Variants in UPF2 observed in about 807,000 individuals in gnomAD.
The protein encoded by UPF2 is UPF2 regulator of nonsense mediated mRNA decay, also known as regulator of nonsense transcripts 2.
Under a neutral mutation model 141.4 loss-of-function variants are expected in UPF2, and 17 were observed. That is an observed-to-expected ratio of 0.12 (90% confidence interval 0.08 to 0.18). The LOEUF is 0.18. Ranked by LOEUF, UPF2 falls within the 10% of genes least tolerant of loss-of-function variation. The pLI, the probability that UPF2 is intolerant of heterozygous loss-of-function variation, is 1.00. For synonymous variants in UPF2, 540 were observed against 498.0 expected (o/e 1.08, Z -1.12); for missense variants, 1,152 against 1,515.9 (o/e 0.76, Z 3.99).
At chr10:12,004,457 T>A (rs926449377) in intron 5 of UPF2, 73 bp downstream of exon 5, 360 of 1,197,950 alleles carry the variant, frequency 3.0e-4, no homozygotes, top group Non-Finnish European at 3.9e-4. Flanking sequence ...TATATATATT[T>A]TTTTTTTACA....
In UPF2 at chr10:11,993,704, G is replaced by A. The variant is rs1035768543; in HGVS notation, c.1844+3968C>T. ...GAACTAACAGATGGCTGGGCACAGC[G>A]GCTCATGCCTGTAATCCCTGCACTT... On this transcript the variant is annotated intron_variant, in intron 8 of 21. Transcript: ENST00000357604. 1.6e-4 allele frequency among the ~76,000 whole-genome samples: 25 copies of A among 152,100 alleles called. 1 individual carries two copies. Among genetic ancestry groups the A allele is most frequent in the African/African-American group, 4.6e-4 (19 of 41,420 alleles).
intron 8 of UPF2, among the ~76,000 whole-genome samples, chr10:11,982,189 A>C (rs1404842781): frequency 3.3e-5 from 5 of 152,228 alleles, no homozygotes; most frequent in Admixed American, 2.6e-4. Flanking sequence ...TTTTCAGCTC[A>C]TGATCAATTA....
chr10:12,026,226 C>T (rs1834416862), intron 3 of UPF2, among the ~76,000 whole-genome samples: 1 of 152,090 alleles, frequency 6.6e-6, no homozygotes, highest in Non-Finnish European at 1.5e-5. Context: ...TTGTATTTCA[C>T]TAGTTTAAGG....
At chr10:11,982,404 T>C (rs899484405) in intron 8 of UPF2, among the ~76,000 whole-genome samples, 2 of 152,206 alleles carry the variant, frequency 1.3e-5, no homozygotes, top group East Asian at 3.9e-4. Flanking sequence ...TCTTCTCCCA[T>C]ACCTCCCAGC....
At chr10:12,038,388 AC>A (rs1834672146) in intron 1 of UPF2, among the ~76,000 whole-genome samples, 1 of 150,144 alleles carries the variant, frequency 6.7e-6, no homozygotes. Flanking sequence ...TCACACACAC[AC>A]ACACACACAC....
In UPF2 at chr10:11,921,332, C is replaced by T. The variant is rs1283571064; in HGVS notation, c.3810-25G>A. On this transcript the variant is annotated intron_variant, in intron 21 of 21. Transcript: ENST00000357604. This position sits in a 1 kb window ranked among gnomAD's most constrained non-coding sequence, Gnocchi z 5.9. ...CCTAAAGGAACAAACAGGGTCACAT[C>T]AGAGAGCTTACTGCCACAGGACAAA... 6.2e-7 allele frequency: 1 copy of T among 1,614,088 alleles called. No homozygotes were observed. The highest frequency in any genetic ancestry group is 8.5e-7 in the Non-Finnish European group (1 of 1,179,998).
At chr10:12,010,817 A>C (rs1044217234) in intron 4 of UPF2, among the ~76,000 whole-genome samples, 1 of 151,870 alleles carries the variant, frequency 6.6e-6, no homozygotes, top group African/African-American at 2.4e-5. Context: ...ATAATGAAAA[A>C]ATTTTAAAAC....
rs554640311 is a variant in UPF2 at position 12,019,990 on chromosome 10, G to A, written c.1146-5806C>T. Reference sequence around the variant, plus strand: ...TCTGCCCACCTCAGCCTCCCAAACCGCTGGGATTACAGGCATGAGCCACCA... The same window carrying A: ...TCTGCCCACCTCAGCCTCCCAAACCACTGGGATTACAGGCATGAGCCACCA... On this transcript the variant is annotated intron_variant, in intron 3 of 21. Transcript: ENST00000357604. This position sits in a 1 kb window ranked among gnomAD's most constrained non-coding sequence, Gnocchi z 4.5. 2.6e-5 allele frequency among the ~76,000 whole-genome samples: 4 copies of A among 152,194 alleles called. No individual in the cohort carries two copies. The highest frequency in any genetic ancestry group is 3.9e-4 in the East Asian group (2 of 5,172).
chr10:12,031,231 C>A (rs547285057), intron 2 of UPF2, among the ~76,000 whole-genome samples: 108 of 150,792 alleles, frequency 7.2e-4, no homozygotes, highest in South Asian at 1.9e-3. Context: ...TTTCCATCCT[C>A]AGCACATTAG....
At chr10:12,018,338 T>A (rs1306703780) in intron 3 of UPF2, among the ~76,000 whole-genome samples, 1 of 151,880 alleles carries the variant, frequency 6.6e-6, no homozygotes, top group Non-Finnish European at 1.5e-5. Context: ...ATCCCAACAC[T>A]TTGGGAGGCT....
chr10:11,964,043 G>A lies in UPF2; in HGVS notation c.2150C>T (p.Ser717Phe), dbSNP rs1264573594. Residue 717 changes from serine to phenylalanine, a missense_variant, in exon 11 of 22, where the codon TCT (serine) becomes TTT (phenylalanine). By Grantham distance (155) the Ser-to-Phe change is radical. Around this residue, in one of 4 missense-constraint regions of UPF2, gnomAD observed 739 missense variants for 1,032.2 expected, o/e 0.72. Coordinates refer to ENST00000357604, the MANE Select transcript of UPF2 (RefSeq NM_015542.4). ...ACTGGTCCTCAGGTGAGATTCTGGA[G>A]ATCTGAAAAGAAACCGTCCACATGT... ...LETCGRFLFR[S>F]PESHLRTSVL... 1 of 1,613,850 alleles carries A rather than the reference G, an allele frequency of 6.2e-7. No individual in the cohort carries two copies. Among genetic ancestry groups the A allele is most frequent in the African/African-American group, 1.3e-5 (1 of 74,940 alleles).
rs764204621 is a variant in UPF2, at chr10:11,998,003, GAGAA to G, written c.1759-250_1759-247del. The stretch of plus-strand genomic sequence containing the variant: ...AAAGCAGTAAAGGGGAATGAGCAAA[GAGAA>G]AGAGACAGGCACAAATTATACCCAA... On this transcript the variant is annotated intron_variant, in intron 7 of 21. Transcript: ENST00000357604. The surrounding 1 kb of genome is among the most constrained non-coding windows in gnomAD (Gnocchi z 4.5). Among the ~76,000 whole-genome samples the G allele has an allele frequency of 3.3e-5, 5 of 152,308 alleles. No homozygotes were observed. The highest frequency in any genetic ancestry group is 4.8e-5 in the African/African-American group (2 of 41,580).
At chr10:12,013,345 C>T (rs1233243534) in intron 4 of UPF2, among the ~76,000 whole-genome samples, 5 of 148,832 alleles carry the variant, frequency 3.4e-5, no homozygotes, top group East Asian at 4.0e-4. Flanking sequence ...GGCACAATCT[C>T]GGCTCACTGC....
chr10:11,972,696 T>C (rs887921902), intron 9 of UPF2, among the ~76,000 whole-genome samples: 1 of 152,212 alleles, frequency 6.6e-6, no homozygotes, highest in Non-Finnish European at 1.5e-5. Context: ...TCCATGTCCC[T>C]ACAAAGGACA....
chr10:11,930,714 G>A (rs1473499980), intron 20 of UPF2, among the ~76,000 whole-genome samples: 1 of 152,156 alleles, frequency 6.6e-6, no homozygotes, highest in Non-Finnish European at 1.5e-5. Context: ...CCAGGAGTTT[G>A]AGGCTGCAGT....
intron 4 of UPF2, among the ~76,000 whole-genome samples, chr10:12,011,651 C>G (rs1034635014): frequency 8.4e-6 from 1 of 118,616 alleles, no homozygotes; most frequent in Non-Finnish European, 2.1e-5. Context: ...TCTAAAAATA[C>G]ATTTAAAGTC....
At chr10:11,984,397 T>A (rs1564355369) in intron 8 of UPF2, among the ~76,000 whole-genome samples, 1 of 152,196 alleles carries the variant, frequency 6.6e-6, no homozygotes, top group Non-Finnish European at 1.5e-5. Flanking sequence ...TTTAATGTTC[T>A]TTTTCTTTAA....
intron 1 of UPF2, among the ~76,000 whole-genome samples, chr10:12,038,378 T>TCACTCACTCA (rs71380802): frequency 7.4e-6 from 1 of 135,934 alleles, no homozygotes; most frequent in Non-Finnish European, 1.6e-5. Flanking sequence ...AGACTCCATC[T>TCACTCACTCA]CACACACACA....
chr10:11,984,718 T>TAAAAA (rs34157281), intron 8 of UPF2, among the ~76,000 whole-genome samples: 1 of 130,530 alleles, frequency 7.7e-6, no homozygotes, highest in Non-Finnish European at 1.7e-5. Flanking sequence ...CTTTGCTCTT[T>TAAAAA]AAAAAAAAAA....
Sources: gnomAD v4.1 joint callset for allele counts (sites outside exome capture counted in the v4.1 genomes callset) on GRCh38, gnomAD v4.1.1 for gene constraint, gnomAD v4.1.1 regional missense constraint, Gnocchi (gnomAD v3.1) non-coding constraint, MANE v1.5 for transcripts, NCBI Gene and HGNC (gene_info 2026-07-23, HGNC 2026-07-21) for gene names.